DNAH5: variants seen among roughly 807,000 people sequenced by gnomAD.
The protein encoded by DNAH5 is dynein axonemal heavy chain 5.
A neutral mutation model predicts 518.2 loss-of-function variants in DNAH5; 372 were observed. That is an observed-to-expected ratio of 0.72 (90% CI 0.66 to 0.78). DNAH5 has a LOEUF of 0.78. Among genes scored for constraint, DNAH5 ranks in the 30% least tolerant of loss-of-function variants. The probability of loss-of-function intolerance (pLI) is 0.00; values close to 1 mark genes in which losing one functional copy is unlikely to be tolerated. For synonymous variants in DNAH5, 2,039 were observed against 2,025.9 expected, an observed-to-expected ratio of 1.01 and a Z score of -0.17; for missense variants, 5,523 against 5,687.0, an observed-to-expected ratio of 0.97 and a Z score of 0.93.
intron 47 of DNAH5, among the ~76,000 whole-genome samples, chr5:13,794,911 G>A (rs1757595159): frequency 6.6e-6 from 1 of 152,194 alleles, no homozygotes; most frequent in Admixed American, 6.5e-5. Context: ...AGCTTGCAGT[G>A]AGCCAAGATA....
intron 75 of DNAH5, among the ~76,000 whole-genome samples, chr5:13,712,439 G>C (rs1451773517): frequency 6.6e-6 from 1 of 152,102 alleles, no homozygotes; most frequent in East Asian, 1.9e-4. Context: ...GAACTCAAAA[G>C]CAAATGCAAT....
intron 1 of DNAH5, among the ~76,000 whole-genome samples, chr5:13,988,164 T>A (rs1486012392): frequency 6.6e-6 from 1 of 152,134 alleles, no homozygotes; most frequent in African/African-American, 2.4e-5. Context: ...TTAAGAAATC[T>A]GAAAATTCAA....
chr5:14,006,000 C>T (rs1316628442), intron 1 of DNAH5, among the ~76,000 whole-genome samples: 1 of 152,076 alleles, frequency 6.6e-6, no homozygotes, highest in African/African-American at 2.4e-5. Flanking sequence ...ATTCCTGCAG[C>T]CCCCTGTTCC....
chr5:13,965,574 T>C (rs879128660), intron 1 of DNAH5, among the ~76,000 whole-genome samples: 5 of 152,190 alleles, frequency 3.3e-5, no homozygotes, highest in Admixed American at 1.3e-4. Flanking sequence ...GAGAACTGCA[T>C]CAGTCTCTTC....
intron 47 of DNAH5, among the ~76,000 whole-genome samples, chr5:13,802,766 C>T (rs993059782): frequency 3.9e-5 from 6 of 152,174 alleles, no homozygotes; most frequent in Middle Eastern, 3.2e-3. Context: ...CCTGCAAGGT[C>T]TTACATAACA....
intron 47 of DNAH5, among the ~76,000 whole-genome samples, chr5:13,796,692 A>G (rs1309672371): frequency 6.6e-6 from 1 of 152,208 alleles, no homozygotes; most frequent in Non-Finnish European, 1.5e-5. Flanking sequence ...CAGAATTGGA[A>G]AAAACTACTT....
intron 70 of DNAH5, among the ~76,000 whole-genome samples, chr5:13,722,501 G>T (rs1369795524): frequency 7.0e-6 from 1 of 143,300 alleles, no homozygotes; most frequent in Non-Finnish European, 1.5e-5. Context: ...TCATAGCTTG[G>T]TAAGAGAGGT....
chr5:13,846,065 G>A lies in DNAH5; in HGVS notation c.5115-1072C>T, dbSNP rs550872489. Among the ~76,000 whole-genome samples the A allele has an allele frequency of 1.3e-4, 20 of 148,216 alleles. No homozygotes were observed. The South Asian group carries it at 2.3e-3, about 17-fold the overall frequency. On this transcript the variant is annotated intron_variant, in intron 31 of 78. Coordinates refer to ENST00000265104, the MANE Select transcript of DNAH5 (RefSeq NM_001369.3). ...TGTTAGCCAGGCTAGTCTCTAACTC[G>A]TGACCTCAAATGATCCATCTGCCTC...
chr5:13,868,253 C>A (rs753762277), intron 24 of DNAH5, among the ~76,000 whole-genome samples: 24 of 152,134 alleles, frequency 1.6e-4, no homozygotes, highest in Non-Finnish European at 3.1e-4. Flanking sequence ...ATTTTAAATG[C>A]ATTTTGAAAA....
intron 1 of DNAH5, among the ~76,000 whole-genome samples, chr5:13,956,417 C>G (rs1161908201): frequency 6.6e-6 from 1 of 152,184 alleles, no homozygotes; most frequent in Non-Finnish European, 1.5e-5. Flanking sequence ...TATTTTCTCT[C>G]ATTAAGTAAT....
intron 61 of DNAH5, among the ~76,000 whole-genome samples, chr5:13,758,561 T>C (rs1233660432): frequency 6.6e-6 from 1 of 152,046 alleles, no homozygotes; most frequent in African/African-American, 2.4e-5. Flanking sequence ...TTAAATGAGA[T>C]AAAAATGGGA....
intron 3 of DNAH5, among the ~76,000 whole-genome samples, chr5:13,924,739 A>G (rs759646574): frequency 3.9e-5 from 6 of 152,202 alleles, no homozygotes; most frequent in Admixed American, 6.5e-5. Context: ...AAATCAACAC[A>G]CTGTGTAAAG....
At chr5:13,814,029 C>T (rs953523987) in intron 43 of DNAH5, among the ~76,000 whole-genome samples, 1 of 151,858 alleles carries the variant, frequency 6.6e-6, no homozygotes, top group South Asian at 2.1e-4. Context: ...GTATGCAAGG[C>T]ATTTATTTAT....
intron 22 of DNAH5, among the ~76,000 whole-genome samples, chr5:13,872,653 T>C (rs1770290599): frequency 6.6e-6 from 1 of 152,208 alleles, no homozygotes; most frequent in African/African-American, 2.4e-5. Context: ...GAAATGACTC[T>C]CTGGCAATTG....
chr5:13,841,821 C>T lies in DNAH5; in HGVS notation c.5355G>A (p.Val1785=). The T allele has an allele frequency of 6.2e-7, 1 of 1,611,564 alleles. No individual in the cohort carries two copies. Among genetic ancestry groups the T allele is most frequent in the East Asian group, 2.2e-5 (1 of 44,762 alleles). Reference sequence around the variant, plus strand: ...CCAAAAGAGAATTAAGCCAAACTTCCACATTGCCCTCTGCCATGACAGGTT... The same window carrying T: ...CCAAAAGAGAATTAAGCCAAACTTCTACATTGCCCTCTGCCATGACAGGTT... ...LDKPVMAEGN[V]EVWLNSLLEE... is the part of the protein sequence containing the mutation. Residue 1785 remains valine, a synonymous_variant, in exon 33 of 79, where the codon GTG becomes GTA. Transcript: ENST00000265104.
chr5:13,844,747 T>C (rs1349130127), intron 32 of DNAH5, 90 bp downstream of exon 32: 5 of 1,556,470 alleles, frequency 3.2e-6, no homozygotes, highest in Admixed American at 1.7e-5. Context: ...AAGCAACCCT[T>C]GTTATAAACC....
intron 75 of DNAH5, among the ~76,000 whole-genome samples, chr5:13,713,197 GTATATACCGACATATA>G (rs1161626010): frequency 7.9e-6 from 1 of 125,948 alleles, no homozygotes; most frequent in Non-Finnish European, 1.7e-5. Flanking sequence ...ACATATATAT[GTATATACCGACATATA>G]TATATACCGA....
intron 53 of DNAH5, among the ~76,000 whole-genome samples, chr5:13,780,256 A>G (rs969915870): frequency 1.8e-4 from 27 of 152,188 alleles, no homozygotes; most frequent in African/African-American, 6.5e-4. Context: ...TCAAGCTTCA[A>G]TAGGATTTGG....
intron 29 of DNAH5, among the ~76,000 whole-genome samples, chr5:13,861,599 G>T (rs1015886248): frequency 2.6e-5 from 4 of 152,156 alleles, no homozygotes; most frequent in Non-Finnish European, 5.9e-5. Flanking sequence ...GTAAATTCAT[G>T]ACTGTGTGGT....
Sources: allele counts gnomAD v4.1 joint callset (sites outside exome capture counted in the v4.1 genomes callset), GRCh38; gene constraint gnomAD v4.1.1; transcripts MANE v1.5; gene names NCBI Gene and HGNC (gene_info 2026-07-23, HGNC 2026-07-21).